NELL1: variants seen among roughly 807,000 people sequenced by gnomAD.
NELL1 encodes neural EGFL like 1, also known as protein kinase C-binding protein NELL1.
In NELL1, 76 loss-of-function variants were observed where a neutral mutation model predicts 107.4. The ratio of observed to expected loss-of-function variants is 0.71; its 90% CI spans 0.59 to 0.86. NELL1 has a LOEUF of 0.86. Among genes scored for constraint, NELL1 ranks in the 40% least tolerant of loss-of-function variants. NELL1 has a pLI of 0.00. For synonymous variants in NELL1, 353 were observed against 341.2 expected, an observed-to-expected ratio of 1.03 and a Z score of -0.38; for missense variants, 1,024 against 1,005.5, an observed-to-expected ratio of 1.02 and a Z score of -0.25.
chr11:21,433,534 G>GTA (rs1256776179), intron 15 of NELL1, among the ~76,000 whole-genome samples: 5 of 152,108 alleles, frequency 3.3e-5, no homozygotes, highest in African/African-American at 1.2e-4. Flanking sequence ...ACCGTCAACA[G>GTA]TATACGTTAT....
At chr11:21,115,318 A>G (rs1855206608) in intron 13 of NELL1, among the ~76,000 whole-genome samples, 1 of 147,710 alleles carries the variant, frequency 6.8e-6, no homozygotes. Context: ...CTCTGCAGGA[A>G]AAGTCTACAT....
intron 9 of NELL1, among the ~76,000 whole-genome samples, chr11:20,930,612 G>A (rs951919658): frequency 6.6e-6 from 1 of 152,090 alleles, no homozygotes; most frequent in African/African-American, 2.4e-5. Context: ...CTTCAGGCCA[G>A]AATTACTGGG....
intron 4 of NELL1, among the ~76,000 whole-genome samples, chr11:20,873,422 A>T (rs1168160481): frequency 6.6e-6 from 1 of 152,220 alleles, no homozygotes; most frequent in Non-Finnish European, 1.5e-5. Flanking sequence ...GTCTGAAAAT[A>T]TTTCAAACTA....
intron 14 of NELL1, among the ~76,000 whole-genome samples, chr11:21,251,540 C>A (rs1180476562): frequency 6.6e-6 from 1 of 151,930 alleles, no homozygotes; most frequent in South Asian, 2.1e-4. Flanking sequence ...CCCAGCCCCC[C>A]ACCTCCACCC....
At chr11:21,501,927 A>G (rs1390049149) in intron 15 of NELL1, among the ~76,000 whole-genome samples, 2 of 152,088 alleles carry the variant, frequency 1.3e-5, no homozygotes, top group Non-Finnish European at 2.9e-5. Context: ...AATCTGTTCT[A>G]TTACCACCCC....
At chr11:21,384,167 A>T (rs1380719346) in intron 15 of NELL1, among the ~76,000 whole-genome samples, 1 of 151,830 alleles carries the variant, frequency 6.6e-6, no homozygotes, top group East Asian at 2.0e-4. Context: ...TCCTCCTTCC[A>T]CTGTTATGCA....
At chr11:21,453,326 C>T (rs948141275) in intron 15 of NELL1, among the ~76,000 whole-genome samples, 1 of 144,710 alleles carries the variant, frequency 6.9e-6, no homozygotes, top group East Asian at 1.9e-4. Flanking sequence ...TTTATGACTT[C>T]TTTATTAATT....
intron 13 of NELL1, among the ~76,000 whole-genome samples, chr11:21,175,159 A>G (rs769270626): frequency 4.0e-5 from 6 of 151,742 alleles, no homozygotes; most frequent in African/African-American, 7.3e-5. Flanking sequence ...TCCAAAAGAA[A>G]TATCCTATTT....
At chr11:21,022,371 C>G (rs1456890180) in intron 12 of NELL1, among the ~76,000 whole-genome samples, 1 of 152,072 alleles carries the variant, frequency 6.6e-6, no homozygotes, top group South Asian at 2.1e-4. Flanking sequence ...TATAGGTACT[C>G]TAGTTTTGGG....
At chr11:20,724,196 T>C (rs1855458576) in intron 2 of NELL1, among the ~76,000 whole-genome samples, 1 of 152,238 alleles carries the variant, frequency 6.6e-6, no homozygotes, top group Admixed American at 6.5e-5. Flanking sequence ...TGGAGACATG[T>C]TTCCCATTAT....
At chr11:21,263,069 A>T (rs1013307056) in intron 14 of NELL1, among the ~76,000 whole-genome samples, 3 of 151,688 alleles carry the variant, frequency 2.0e-5, no homozygotes, top group African/African-American at 7.3e-5. Context: ...GTGTTTTCTC[A>T]TAGCATACTC....
intron 12 of NELL1, among the ~76,000 whole-genome samples, chr11:21,034,986 C>T (rs1467260368): frequency 6.6e-6 from 1 of 151,994 alleles, no homozygotes; most frequent in Admixed American, 6.6e-5. Context: ...AAATAGACTG[C>T]TAGCTAGACT....
At chr11:21,503,041 C>A (rs1179463952) in intron 15 of NELL1, among the ~76,000 whole-genome samples, 6 of 152,078 alleles carry the variant, frequency 3.9e-5, no homozygotes, top group African/African-American at 1.4e-4. Context: ...GCCACCATGC[C>A]TGGCTAATTT....
chr11:20,988,778 G>A (rs1323289823), intron 12 of NELL1, among the ~76,000 whole-genome samples: 1 of 151,552 alleles, frequency 6.6e-6, no homozygotes, highest in Non-Finnish European at 1.5e-5. Context: ...TAGTAGAGAT[G>A]GGGTTTCACC....
intron 4 of NELL1, among the ~76,000 whole-genome samples, chr11:20,865,238 C>T (rs886553418): frequency 6.6e-6 from 1 of 152,196 alleles, no homozygotes; most frequent in Non-Finnish European, 1.5e-5. Flanking sequence ...CTGTTAAATG[C>T]ACAAATTATA....
chr11:20,994,001 T>A (rs943815436), intron 12 of NELL1, among the ~76,000 whole-genome samples: 1 of 152,194 alleles, frequency 6.6e-6, no homozygotes, highest in Non-Finnish European at 1.5e-5. Flanking sequence ...TTTTCAAAGA[T>A]AGAAATGCAA....
At chr11:20,708,148 G>A (rs564016807) in intron 2 of NELL1, among the ~76,000 whole-genome samples, 3 of 152,248 alleles carry the variant, frequency 2.0e-5, no homozygotes, top group Non-Finnish European at 4.4e-5. Flanking sequence ...TCTGAACCAG[G>A]CACAGGATAT....
chr11:20,706,056 A>G (rs1854943156), intron 2 of NELL1, among the ~76,000 whole-genome samples: 1 of 152,224 alleles, frequency 6.6e-6, no homozygotes, highest in Admixed American at 6.5e-5. Context: ...GAACACTTTT[A>G]CACTGTTGGT....
intron 13 of NELL1, among the ~76,000 whole-genome samples, chr11:21,121,562 T>C (rs546731066): frequency 6.6e-6 from 1 of 152,254 alleles, no homozygotes; most frequent in East Asian, 1.9e-4. Context: ...GCCTTGGTTA[T>C]TGGGGGTCCT....
Sources: gnomAD v4.1 joint callset for allele counts (sites outside exome capture counted in the v4.1 genomes callset) on GRCh38, gnomAD v4.1.1 for gene constraint, MANE v1.5 for transcripts, NCBI Gene and HGNC (gene_info 2026-07-23, HGNC 2026-07-21) for gene names.